Variants in SPAG16 observed in about 807,000 individuals in gnomAD.
SPAG16 encodes the protein sperm associated antigen 16.
SPAG16 carries 86 observed loss-of-function variants against 80.4 expected under a neutral mutation model. The observed-to-expected ratio is 1.07, with a 90% confidence interval of 0.90 to 1.28. The LOEUF is 1.28. Among genes scored for constraint, SPAG16 ranks in the 50% most tolerant of loss-of-function variants. SPAG16 has a pLI of 0.00. For missense variants in SPAG16, 870 were observed against 765.3 expected (o/e 1.14, Z -1.61); for synonymous variants, 294 against 265.9 (o/e 1.11, Z -1.03).
intron 9 of SPAG16, among the ~76,000 whole-genome samples, chr2:213,486,577 C>G (rs1185622290): frequency 6.6e-6 from 1 of 152,100 alleles, no homozygotes; most frequent in Non-Finnish European, 1.5e-5. Context: ...AGGCCAAGCA[C>G]AGGTTTTCCA....
chr2:214,250,427 A>C (rs1447136718), intron 15 of SPAG16, among the ~76,000 whole-genome samples: 1 of 151,290 alleles, frequency 6.6e-6, no homozygotes, highest in East Asian at 1.9e-4. Flanking sequence ...AAGTTAGCAA[A>C]ATGAATGAAT....
chr2:214,364,775 G>A (rs1019791986), intron 15 of SPAG16, among the ~76,000 whole-genome samples: 1 of 152,170 alleles, frequency 6.6e-6, no homozygotes, highest in African/African-American at 2.4e-5. Flanking sequence ...TAAGGGTGGG[G>A]TGGTAGATCA....
chr2:214,156,236 C>G (rs2056209118), intron 15 of SPAG16, among the ~76,000 whole-genome samples: 1 of 152,182 alleles, frequency 6.6e-6, no homozygotes, highest in Admixed American at 6.5e-5. Flanking sequence ...GAGGCATTCT[C>G]ATTACATCTG....
chr2:214,216,824 A>G (rs1401901078), intron 15 of SPAG16, among the ~76,000 whole-genome samples: 2 of 152,228 alleles, frequency 1.3e-5, no homozygotes, highest in African/African-American at 4.8e-5. Context: ...ACATCTAACT[A>G]CATAAAGGAC....
intron 15 of SPAG16, among the ~76,000 whole-genome samples, chr2:214,171,273 A>G (rs922372493): frequency 6.6e-6 from 1 of 151,892 alleles, no homozygotes; most frequent in South Asian, 2.1e-4. Context: ...CATGGCAAAA[A>G]TGTGAAGCAT....
intron 10 of SPAG16, among the ~76,000 whole-genome samples, chr2:213,602,356 G>C (rs937670467): frequency 2.0e-5 from 3 of 149,204 alleles, no homozygotes; most frequent in Non-Finnish European, 4.4e-5. Flanking sequence ...TCCAGGCCGG[G>C]CACAGTGGGG....
intron 15 of SPAG16, among the ~76,000 whole-genome samples, chr2:214,185,561 A>G (rs1014376883): frequency 6.6e-6 from 1 of 152,140 alleles, no homozygotes; most frequent in South Asian, 2.1e-4. Flanking sequence ...AATTACAAAG[A>G]GGTATTTTTT....
chr2:213,881,497 G>A (rs1202558579), intron 11 of SPAG16, among the ~76,000 whole-genome samples: 1 of 152,082 alleles, frequency 6.6e-6, no homozygotes, highest in African/African-American at 2.4e-5. Context: ...CCTGAGACTG[G>A]GTAATTTATA....
rs759500157 is a variant in SPAG16 at position 213,487,357 on chromosome 2, TG to T, written c.943-2605del. On this transcript the variant is annotated intron_variant, in intron 9 of 15. Coordinates refer to ENST00000331683, the MANE Select transcript of SPAG16 (RefSeq NM_024532.5). ...ATCTTGTCAATACAAAAAAAGGTTATGTTTTTTTTGCTTGGAAGAATAATTT... is the reference window on the plus strand; with the variant it reads ...ATCTTGTCAATACAAAAAAAGGTTATTTTTTTTTGCTTGGAAGAATAATTT... Among the ~76,000 whole-genome samples, 57 of 152,206 alleles carry T rather than the reference TG, an allele frequency of 3.7e-4. 1 individual carries two copies. The highest frequency in any genetic ancestry group is 7.5e-4 in the African/African-American group (31 of 41,488).
intron 10 of SPAG16, among the ~76,000 whole-genome samples, chr2:213,767,655 T>TCACACACACACACA (rs3220937): frequency 0.01 from 1,542 of 147,752 alleles, 14 homozygotes; most frequent in South Asian, 0.022. Flanking sequence ...ACAACATACT[T>TCACACACACACACA]CACACACACA....
At chr2:214,262,368 A>G (rs1037356710) in intron 15 of SPAG16, among the ~76,000 whole-genome samples, 8 of 151,998 alleles carry the variant, frequency 5.3e-5, no homozygotes, top group African/African-American at 1.9e-4. Context: ...ATATACTATA[A>G]TTGATTTCAG....
chr2:213,364,187 G>T, intron 8 of SPAG16, 42 bp downstream of exon 8: 1 of 1,240,312 alleles, frequency 8.1e-7, no homozygotes, highest in Non-Finnish European at 1.1e-6. Flanking sequence ...AATATAGTTT[G>T]GTGATTTCTC....
At chr2:214,409,100 TTTTC>T (rs753284704) in intron 15 of SPAG16, among the ~76,000 whole-genome samples, 4 of 151,818 alleles carry the variant, frequency 2.6e-5, no homozygotes, top group Non-Finnish European at 5.9e-5. Context: ...GTTAATGCTA[TTTTC>T]TTTATCATTA....
At chr2:213,500,722 T>C (rs888568073) in intron 10 of SPAG16, among the ~76,000 whole-genome samples, 2 of 152,120 alleles carry the variant, frequency 1.3e-5, no homozygotes, top group East Asian at 1.9e-4. Context: ...TGGTAGGTAA[T>C]AGGTTGAAGG....
chr2:213,756,112 A>G (rs973129581), intron 10 of SPAG16, among the ~76,000 whole-genome samples: 1 of 152,166 alleles, frequency 6.6e-6, no homozygotes, highest in African/African-American at 2.4e-5. Context: ...AAATCAAAGT[A>G]GTGTCCTTCC....
At chr2:214,077,737 T>C (rs1002353019) in intron 13 of SPAG16, among the ~76,000 whole-genome samples, 13 of 152,198 alleles carry the variant, frequency 8.5e-5, no homozygotes, top group Non-Finnish European at 8.8e-5. Context: ...CCTAGAAATA[T>C]AGGGGAGTTT....
intron 14 of SPAG16, among the ~76,000 whole-genome samples, chr2:214,109,134 A>G (rs1430181439): frequency 1.3e-5 from 2 of 152,134 alleles, no homozygotes; most frequent in East Asian, 3.9e-4. Flanking sequence ...GCCTTCATGA[A>G]ATGATGGTGC....
chr2:213,331,193 TG>T (rs1269860318), intron 5 of SPAG16, among the ~76,000 whole-genome samples: 3 of 152,224 alleles, frequency 2.0e-5, no homozygotes, highest in Non-Finnish European at 2.9e-5. Flanking sequence ...AAGTAGGCAC[TG>T]GTTTGTGCCT....
At chr2:213,418,694 T>A (rs1021223282) in intron 9 of SPAG16, among the ~76,000 whole-genome samples, 10 of 152,222 alleles carry the variant, frequency 6.6e-5, no homozygotes, top group African/African-American at 2.4e-4. Context: ...TCTCCTGTAA[T>A]GCTTCAGGAT....
Sources: gnomAD v4.1 joint callset for allele counts (sites outside exome capture counted in the v4.1 genomes callset) on GRCh38, gnomAD v4.1.1 for gene constraint, MANE v1.5 for transcripts, NCBI Gene and HGNC (gene_info 2026-07-23, HGNC 2026-07-21) for gene names.